DRAP1: variants seen among roughly 807,000 people sequenced by gnomAD.
The protein encoded by DRAP1 is DR1 associated protein 1, also known as dr1-associated corepressor.
Under a neutral mutation model 24.1 loss-of-function variants are expected in DRAP1, and 10 were observed. The observed-to-expected ratio is 0.41, with a 90% CI of 0.26 to 0.70. The LOEUF (loss-of-function observed/expected upper bound fraction) is 0.70. DRAP1 is among the 30% of genes least tolerant of loss of function. The pLI is 0.29. For synonymous variants in DRAP1, 122 were observed against 113.8 expected, an observed-to-expected ratio of 1.07 and a Z score of -0.46; for missense variants, 264 against 275.6, an observed-to-expected ratio of 0.96 and a Z score of 0.30.
At chr11:65,919,680 G>A (rs1854522619) in intron 1 of DRAP1, 100 bp from the exon 2 acceptor site, 2 of 1,525,594 alleles carry the variant, frequency 1.3e-6, no homozygotes, top group Non-Finnish European at 1.8e-6. Flanking sequence ...CCCCGCGTCC[G>A]TGTCCCCCGC....
intron 3 of DRAP1, 42 bp downstream of exon 3, chr11:65,920,083 G>C (rs1230530553): frequency 6.3e-7 from 1 of 1,598,004 alleles, no homozygotes; most frequent in South Asian, 1.1e-5. Context: ...GGTTTGGCGC[G>C]GGGAGTTCAC....
At chr11:65,920,091 C>A (rs780369592) in intron 3 of DRAP1, 50 bp downstream of exon 3, 5 of 1,590,468 alleles carry the variant, frequency 3.1e-6, no homozygotes, top group Non-Finnish European at 3.4e-6. Flanking sequence ...GCGGGGAGTT[C>A]ACACACTGAG....
At position 65,920,057 on chromosome 11, in the gene DRAP1, C is replaced by T. The variant is rs202119315; in HGVS notation, c.209+16C>T. On this transcript the variant is annotated intron_variant, in intron 3 of 6. Transcript: ENST00000312515. ...CATCCCACCTGTGAGCGGCGAGGAG[C>T]CGGGAGGGGCCGGCGGGTTTGGCGC... 70 of 1,610,264 alleles carry T rather than the reference C, an allele frequency of 4.3e-5. No individual in the cohort carries two copies. In the African/African-American group the frequency reaches 8.7e-4, roughly 20 times the overall value.
intron 5 of DRAP1, 93 bp from the exon 6 acceptor site, chr11:65,920,791 A>G (rs903090497): frequency 5.4e-6 from 8 of 1,474,068 alleles, no homozygotes; most frequent in Middle Eastern, 1.8e-4. Context: ...TTATTTGTAA[A>G]TTGGGGCTAT....
chr11:65,919,684 C>T (rs1041056167), intron 1 of DRAP1, 96 bp from the exon 2 acceptor site: 30 of 1,539,000 alleles, frequency 1.9e-5, no homozygotes, highest in Admixed American at 9.6e-5. Context: ...GCGTCCGTGT[C>T]CCCCGCCCCC....
chr11:65,920,936 C>T lies in DRAP1; in HGVS notation c.476C>T (p.Pro159Leu), dbSNP rs535528544. The T allele has an allele frequency of 2.7e-5, 44 of 1,613,266 alleles. No homozygotes were observed. The East Asian group carries it at 9.4e-4, about 34-fold the overall frequency. Residue 159 changes from proline to leucine, a missense_variant, in exon 6 of 7, where the codon CCA becomes CTA. Pro to Leu is a moderately conservative substitution (Grantham distance 98). Transcript: ENST00000312515. ...TDGEEETSQP[P>L]PQASHPSAHF... ...GGGGAAGAGGAGACATCACAACCCCCACCCCAGGCCAGCCACCCCTCTGCC... is the reference window on the plus strand; with the variant it reads ...GGGGAAGAGGAGACATCACAACCCCTACCCCAGGCCAGCCACCCCTCTGCC...
chr11:65,921,537 T>C lies in DRAP1; in HGVS notation c.*102T>C, dbSNP rs1854552714. 5.5e-6 allele frequency: 3 copies of C among 548,982 alleles called. No individual in the cohort carries two copies. Among genetic ancestry groups the C allele is most frequent in the African/African-American group, 2.0e-5 (1 of 50,348 alleles). 34.0% of individuals were successfully genotyped at this position (548,982 alleles called of 1,614,324 possible). A position where few individuals can be genotyped will look rare whatever the true frequency, so the allele number is the denominator to read the frequency against. The stretch of plus-strand genomic sequence containing the variant: ...TTCTTAAATTTATTAAAAAAAAAAA[T>C]AAAAGGGAATCTCAGTGTCTGTTCC... On this transcript the variant is annotated 3_prime_UTR_variant, in exon 7 of 7. Coordinates refer to ENST00000312515, the MANE Select transcript of DRAP1 (RefSeq NM_006442.4).
chr11:65,919,674 G>T, intron 1 of DRAP1, 106 bp from the exon 2 acceptor site: 1 of 1,484,960 alleles, frequency 6.7e-7, no homozygotes. Context: ...TGCCCTCCCC[G>T]CGTCCGTGTC....
chr11:65,919,649 G>A (rs1854522015), intron 1 of DRAP1, 106 bp downstream of exon 1: 29 of 1,520,414 alleles, frequency 1.9e-5, no homozygotes, highest in Non-Finnish European at 2.5e-5. Context: ...GGGCCTGGAC[G>A]CCCCGCCCCC....
intron 3 of DRAP1, 115 bp from the exon 4 acceptor site, chr11:65,920,228 G>T: frequency 6.5e-7 from 1 of 1,532,740 alleles, no homozygotes; most frequent in Non-Finnish European, 8.9e-7. Context: ...GGCAGGCCCG[G>T]GAGCGGAGAT....
chr11:65,921,229 T>TGGTGGGAGGGTCAGATGGG, intron 6 of DRAP1, 101 bp from the exon 7 acceptor site: 1 of 777,264 alleles, frequency 1.3e-6, no homozygotes, highest in Non-Finnish European at 2.1e-6. Context: ...TGGAGGGTGG[T>TGGTGGGAGGGTCAGATGGG]GGTGGGAGGG....
At chr11:65,921,009 C>A in intron 6 of DRAP1, 37 bp downstream of exon 6, 1 of 1,505,842 alleles carries the variant, frequency 6.6e-7, no homozygotes, top group Admixed American at 2.1e-5. Flanking sequence ...TGCTGGCAGA[C>A]TCCCCAGAGC....
At chr11:65,921,225 G>A in intron 6 of DRAP1, 105 bp from the exon 7 acceptor site, 1 of 782,846 alleles carries the variant, frequency 1.3e-6, no homozygotes, top group Non-Finnish European at 2.1e-6. Flanking sequence ...GATCTGGAGG[G>A]TGGTGGTGGG....
rs1453096479 is a variant in DRAP1, at chr11:65,921,321, GC to G, written c.513-6del. 6.4e-7 allele frequency: 1 copy of G among 1,569,632 alleles called. No homozygotes were observed. On this transcript the variant is annotated splice_region_variant and splice_polypyrimidine_tract_variant and intron_variant, in intron 6 of 6. Coordinates refer to ENST00000312515, the MANE Select transcript of DRAP1 (RefSeq NM_006442.4). Reference sequence around the variant, plus strand: ...CAGGCCTGACTCTCTCCTGCCTTCTGCCCTGCAGCCCCCCGACACCCTTCCT... The same window carrying G: ...CAGGCCTGACTCTCTCCTGCCTTCTGCCTGCAGCCCCCCGACACCCTTCCT...
chr11:65,920,481 A>G lies in DRAP1; in HGVS notation c.329+19A>G. 6.2e-7 allele frequency: 1 copy of G among 1,613,668 alleles called. No individual in the cohort carries two copies. The highest frequency in any genetic ancestry group is 8.5e-7 in the Non-Finnish European group (1 of 1,179,758). Reference sequence around the variant, plus strand: ...CCCGCAGGTGGGGCCAGGGCCTGGCATACAGTGGGGAAGGCCAAGGCCACA... The same window carrying G: ...CCCGCAGGTGGGGCCAGGGCCTGGCGTACAGTGGGGAAGGCCAAGGCCACA... On this transcript the variant is annotated intron_variant, in intron 4 of 6. Transcript: ENST00000312515.
intron 1 of DRAP1, 42 bp from the exon 2 acceptor site, chr11:65,919,738 G>T (rs751719901): frequency 1.2e-6 from 2 of 1,611,660 alleles, no homozygotes; most frequent in East Asian, 4.5e-5. Flanking sequence ...CCCCTTAGGG[G>T]ACGGTGGCGA....
intron 1 of DRAP1, 60 bp from the exon 2 acceptor site, chr11:65,919,720 C>T (rs1854523189): frequency 1.2e-6 from 2 of 1,605,738 alleles, no homozygotes; most frequent in East Asian, 2.2e-5. Context: ...CCCTTCCTCC[C>T]CCAGCACCCC....
In DRAP1 at chr11:65,920,680, C is replaced by T. The variant is rs1437944573; in HGVS notation, c.423+18C>T. 2 of 1,473,228 alleles carry T rather than the reference C, an allele frequency of 1.4e-6. No individual in the cohort carries two copies. Among genetic ancestry groups the T allele is most frequent in the Non-Finnish European group, 1.8e-6 (2 of 1,107,200 alleles). The allele number at this position is 1,473,228 out of a possible 1,614,324, so 91.3% of individuals were successfully genotyped here. A position where few individuals can be genotyped will look rare whatever the true frequency, so the allele number is the denominator to read the frequency against. On this transcript the variant is annotated intron_variant, in intron 5 of 6. Coordinates refer to ENST00000312515, the MANE Select transcript of DRAP1 (RefSeq NM_006442.4). Reference sequence around the variant, plus strand: ...AGCAGGAGGTGAGTGAGGCCCCAGCCCTTCGCCCTGCCCTTGGTGATGGGA... The same window carrying T: ...AGCAGGAGGTGAGTGAGGCCCCAGCTCTTCGCCCTGCCCTTGGTGATGGGA...
intron 3 of DRAP1, 114 bp downstream of exon 3, chr11:65,920,155 G>A (rs1234793371): frequency 2.8e-6 from 4 of 1,444,754 alleles, no homozygotes; most frequent in Admixed American, 4.0e-5. Context: ...ACACCAGCAA[G>A]GCCACAGACT....
Sources: gnomAD v4.1 joint callset for allele counts on GRCh38, gnomAD v4.1.1 for gene constraint, MANE v1.5 for transcripts, NCBI Gene and HGNC (gene_info 2026-07-23, HGNC 2026-07-21) for gene names.